The following ZYG11B variants were observed in gnomAD, a reference collection of about 807,000 sequenced individuals.
ZYG11B encodes the protein protein zyg-11 homolog B.
ZYG11B carries 36 observed loss-of-function variants against 82.4 expected under a neutral mutation model. That is an observed-to-expected ratio of 0.44 (90% CI 0.33 to 0.58). ZYG11B has a LOEUF of 0.58. ZYG11B is among the 20% of genes least tolerant of loss of function. The pLI is 0.02. For missense variants in ZYG11B, 552 were observed against 895.6 expected, an observed-to-expected ratio of 0.62 and a Z score of 4.90; for synonymous variants, 303 against 312.8, an observed-to-expected ratio of 0.97 and a Z score of 0.33.
At chr1:52,756,304 A>G (rs939111350) in intron 1 of ZYG11B, among the ~76,000 whole-genome samples, 154 bp from the exon 2 acceptor site, 2 of 152,226 alleles carry the variant, frequency 1.3e-5, no homozygotes, top group African/African-American at 4.8e-5. Context: ...CATAGATCAC[A>G]GATTGTATTC....
chr1:52,748,210 C>T lies in ZYG11B; in HGVS notation c.31-8248C>T, dbSNP rs9988469. Among the ~76,000 whole-genome samples the T allele has an allele frequency of 6.3e-3, 959 of 152,256 alleles. 12 individuals carry two copies. The highest frequency in any genetic ancestry group is 0.022 in the African/African-American group (921 of 41,562). On this transcript the variant is annotated intron_variant, in intron 1 of 13. Transcript: ENST00000294353. ...TTTAAAATGCAATAATGTAATTGTGCTTGGCTCAGGATGTAGAAATGGAAA... is the reference window on the plus strand; with the variant it reads ...TTTAAAATGCAATAATGTAATTGTGTTTGGCTCAGGATGTAGAAATGGAAA...
In ZYG11B at chr1:52,756,610, C is replaced by A. The variant is rs1022219442; in HGVS notation, c.183C>A (p.Thr61=). The change falls in exon 2 of 14, where the codon ACC becomes ACA. Residue 61 remains threonine, a synonymous_variant. Coordinates refer to ENST00000294353, the MANE Select transcript of ZYG11B (RefSeq NM_024646.3). ...PQEVADRLLR[T]MAFHGLLNDG... is the part of the protein sequence containing the mutation. ...AGGTGGCTGATCGACTGCTTCGGAC[C>A]ATGGCTTTTCATGGTAAAAAAATAA... The A allele has an allele frequency of 6.3e-7, 1 of 1,595,860 alleles. No individual in the cohort carries two copies. Among genetic ancestry groups the A allele is most frequent in the African/African-American group, 1.4e-5 (1 of 74,046 alleles).
chr1:52,796,424 G>A, intron 7 of ZYG11B, 33 bp downstream of exon 7: 1 of 1,543,456 alleles, frequency 6.5e-7, no homozygotes, highest in Non-Finnish European at 8.9e-7. Context: ...ATTTTCTGTA[G>A]ACAGCTGTTT....
intron 1 of ZYG11B, among the ~76,000 whole-genome samples, chr1:52,744,849 A>T (rs10788942): frequency 0.5 from 76,279 of 151,490 alleles, 19,398 homozygotes; most frequent in East Asian, 0.62. Context: ...TCAAAAAAAA[A>T]ATATATTTCT....
intron 1 of ZYG11B, among the ~76,000 whole-genome samples, chr1:52,727,535 G>A (rs1043876534): frequency 6.6e-6 from 1 of 152,110 alleles, no homozygotes; most frequent in East Asian, 1.9e-4. Flanking sequence ...ATGTGGAGGT[G>A]CAGTTGGAGA....
chr1:52,815,891 C>T (rs1027133921), intron 12 of ZYG11B, among the ~76,000 whole-genome samples: 4 of 152,018 alleles, frequency 2.6e-5, no homozygotes, highest in Admixed American at 6.5e-5. Context: ...GCTGAGATCG[C>T]GCCACTGCAC....
chr1:52,762,659 C>A (rs1644642107), intron 2 of ZYG11B, among the ~76,000 whole-genome samples: 2 of 151,934 alleles, frequency 1.3e-5, no homozygotes, highest in African/African-American at 2.4e-5. Flanking sequence ...CAGCTCACTG[C>A]AGCCTCCGCC....
chr1:52,761,371 C>A (rs1351076015), intron 2 of ZYG11B, among the ~76,000 whole-genome samples: 1 of 152,182 alleles, frequency 6.6e-6, no homozygotes, highest in African/African-American at 2.4e-5. Context: ...CCTCTGCTAA[C>A]CTGTTCTACT....
At chr1:52,770,838 C>T (rs1644743916) in intron 2 of ZYG11B, among the ~76,000 whole-genome samples, 182 bp from the exon 3 acceptor site, 1 of 152,180 alleles carries the variant, frequency 6.6e-6, no homozygotes, top group African/African-American at 2.4e-5. Flanking sequence ...TGGAAAGCCA[C>T]TCTCTGAGCC....
At chr1:52,777,020 G>A (rs1037977286) in intron 3 of ZYG11B, among the ~76,000 whole-genome samples, 13 of 152,014 alleles carry the variant, frequency 8.6e-5, no homozygotes, top group African/African-American at 3.1e-4. Context: ...GACCAGCCTG[G>A]CCAACATGAC....
chr1:52,768,466 A>G (rs1644717661), intron 2 of ZYG11B, among the ~76,000 whole-genome samples: 1 of 152,002 alleles, frequency 6.6e-6, no homozygotes, highest in South Asian at 2.1e-4. Flanking sequence ...CTATGGCTCT[A>G]GCTATTTCTT....
At position 52,803,135 on chromosome 1, in the gene ZYG11B, CACACATATATATATATAT is replaced by C. The variant is rs1558140184; in HGVS notation, c.1695+1012_1695+1029del. On this transcript the variant is annotated intron_variant, in intron 10 of 13. Transcript: ENST00000294353. Reference sequence around the variant, plus strand: ...ATATATATACACACATATATATATACACACATATATATATATATACACATATATATATACACACATATA... The same window carrying C: ...ATATATATACACACATATATATATACACACATATATATATACACACATATA... Among the ~76,000 whole-genome samples the C allele has an allele frequency of 9.8e-5, 4 of 41,024 alleles. 1 individual carries two copies. The highest frequency in any genetic ancestry group is 9.7e-4 in the African/African-American group (4 of 4,142). 26.9% of individuals were successfully genotyped at this position (41,024 alleles called of 152,430 possible). A position where few individuals can be genotyped will look rare whatever the true frequency, so the allele number is the denominator to read the frequency against.
At chr1:52,814,961 C>G (rs1316856513) in intron 12 of ZYG11B, among the ~76,000 whole-genome samples, 2 of 151,560 alleles carry the variant, frequency 1.3e-5, no homozygotes, top group Non-Finnish European at 2.9e-5. Context: ...AGTTCGAGAC[C>G]AGCTTGGCCA....
intron 8 of ZYG11B, among the ~76,000 whole-genome samples, chr1:52,800,843 G>A (rs1374458694): frequency 2.6e-5 from 4 of 151,922 alleles, no homozygotes; most frequent in Non-Finnish European, 4.4e-5. Flanking sequence ...AGTAATAGTA[G>A]TGATACCTAA....
intron 1 of ZYG11B, among the ~76,000 whole-genome samples, chr1:52,744,151 G>T (rs1359829702): frequency 6.6e-5 from 10 of 152,032 alleles, no homozygotes; most frequent in African/African-American, 2.4e-4. Flanking sequence ...TGCCCAGGCT[G>T]GTCTCAAACT....
intron 1 of ZYG11B, among the ~76,000 whole-genome samples, chr1:52,752,854 T>TC (rs1644537746): frequency 1.3e-5 from 2 of 151,780 alleles, no homozygotes; most frequent in Non-Finnish European, 1.5e-5. Flanking sequence ...CATTTTTTTT[T>TC]TCTTGGGGTG....
intron 10 of ZYG11B, among the ~76,000 whole-genome samples, chr1:52,809,224 A>G (rs1490859458): frequency 2.4e-4 from 36 of 152,210 alleles, no homozygotes; most frequent in Non-Finnish European, 4.4e-5. Context: ...GTTCAGTGGT[A>G]TTAAATACTT....
intron 10 of ZYG11B, among the ~76,000 whole-genome samples, 193 bp downstream of exon 10, chr1:52,802,332 CTT>C (rs1645081924): frequency 3.0e-5 from 4 of 132,982 alleles, no homozygotes; most frequent in African/African-American, 8.6e-5. Flanking sequence ...CAATTTCTTT[CTT>C]TCTCTCTTTT....
In ZYG11B at chr1:52,803,173, CATAT is replaced by C. The variant is rs754709420; in HGVS notation, c.1695+1046_1695+1049del. On this transcript the variant is annotated intron_variant, in intron 10 of 13. Transcript: ENST00000294353. ...ATATATACACATATATATATACACA[CATAT>C]ATATATATATACACATATATATATA... Among the ~76,000 whole-genome samples, 222 of 55,462 alleles carry C rather than the reference CATAT, an allele frequency of 4.0e-3. 17 individuals are homozygous for C. The highest frequency in any genetic ancestry group is 0.037 in the African/African-American group (161 of 4,406). The allele number at this position is 55,462 out of a possible 152,430, so 36.4% of individuals were successfully genotyped here.
Sources: gnomAD v4.1 joint callset for allele counts (sites outside exome capture counted in the v4.1 genomes callset) on GRCh38, gnomAD v4.1.1 for gene constraint, MANE v1.5 for transcripts, NCBI Gene and HGNC (gene_info 2026-07-23, HGNC 2026-07-21) for gene names.